The following CARMIL1 variants were observed in gnomAD, a reference collection of about 807,000 sequenced individuals.
The protein encoded by CARMIL1 is F-actin-uncapping protein LRRC16A.
A neutral mutation model predicts 177.1 loss-of-function variants in CARMIL1; 90 were observed. That is an observed-to-expected ratio of 0.51 (90% confidence interval 0.43 to 0.61). The LOEUF (loss-of-function observed/expected upper bound fraction) is 0.61. CARMIL1 is among the 20% of genes least tolerant of loss of function. CARMIL1 has a pLI of 0.00. For synonymous variants in CARMIL1, 577 were observed against 606.2 expected, an observed-to-expected ratio of 0.95 and a Z score of 0.71; for missense variants, 1,380 against 1,667.0, an observed-to-expected ratio of 0.83 and a Z score of 3.00.
chr6:25,429,795 T>G (rs1217537283), intron 4 of CARMIL1, among the ~76,000 whole-genome samples: 1 of 145,382 alleles, frequency 6.9e-6, no homozygotes, highest in Non-Finnish European at 1.5e-5. Context: ...TTTTTGAATA[T>G]CAAATATTTG....
chr6:25,308,931 T>C (rs529683701), intron 2 of CARMIL1, among the ~76,000 whole-genome samples: 37 of 152,350 alleles, frequency 2.4e-4, no homozygotes, highest in Non-Finnish European at 3.8e-4. Context: ...CAAATACTTA[T>C]GGAGCCTTTG....
chr6:25,369,336 G>A (rs1030664912), intron 2 of CARMIL1, among the ~76,000 whole-genome samples: 1 of 150,258 alleles, frequency 6.7e-6, no homozygotes, highest in African/African-American at 2.5e-5. Context: ...CCCATTGATC[G>A]CTCTTGCAGT....
chr6:25,464,739 T>TA (rs1800442168), intron 8 of CARMIL1, among the ~76,000 whole-genome samples: 2 of 152,088 alleles, frequency 1.3e-5, no homozygotes, highest in African/African-American at 4.8e-5. Flanking sequence ...AAATAAATGC[T>TA]AAAAAGGGAG....
At chr6:25,300,670 G>A (rs950008070) in intron 2 of CARMIL1, among the ~76,000 whole-genome samples, 6 of 152,164 alleles carry the variant, frequency 3.9e-5, no homozygotes, top group African/African-American at 1.4e-4. Flanking sequence ...AAACAAAAAA[G>A]CAAAATCAAA....
At chr6:25,613,686 T>C (rs1469063768) in intron 36 of CARMIL1, among the ~76,000 whole-genome samples, 2 of 152,242 alleles carry the variant, frequency 1.3e-5, no homozygotes, top group Non-Finnish European at 2.9e-5. Flanking sequence ...TATTAACTTC[T>C]TATAAACATG....
At chr6:25,510,986 C>A (rs991062225) in intron 20 of CARMIL1, among the ~76,000 whole-genome samples, 1 of 152,026 alleles carries the variant, frequency 6.6e-6, no homozygotes, top group Admixed American at 6.6e-5. Context: ...GGAAGATTGT[C>A]ACTAATAGAT....
Position 25,600,535 on chromosome 6 carries a change from C to A in CARMIL1, c.3341C>A (p.Ala1114Asp). The A allele has an allele frequency of 3.7e-6, 6 of 1,614,012 alleles. No individual in the cohort carries two copies. The highest frequency in any genetic ancestry group is 5.1e-6 in the Non-Finnish European group (6 of 1,179,902). The change falls in exon 33 of 37, where the codon GCC (alanine) becomes GAC (aspartate). Residue 1114 changes from alanine to aspartate, a missense_variant. Coordinates refer to ENST00000329474, the MANE Select transcript of CARMIL1 (RefSeq NM_017640.6). ...TGTCCCAGGAAGGACACAAAGGCCG[C>A]CGAGCACAATGGCAATTCTGAACGG... ...VDCPRKDTKA[A>D]EHNGNSERIE...
chr6:25,389,850 A>C (rs978781406), intron 2 of CARMIL1, among the ~76,000 whole-genome samples: 19 of 152,186 alleles, frequency 1.2e-4, no homozygotes, highest in African/African-American at 4.6e-4. Flanking sequence ...GGAGACACTG[A>C]GTTTCCTGCC....
Position 25,366,939 on chromosome 6 carries a change from TTG to T in CARMIL1, c.139-53171_139-53170del, listed in dbSNP as rs556183965. Reference sequence around the variant, plus strand: ...ACTAGCAGATCTAGGTAACTGAACCTTGTGTACTATTCTAGAAATGTTTATAC... The same window carrying T: ...ACTAGCAGATCTAGGTAACTGAACCTTGTACTATTCTAGAAATGTTTATAC... On this transcript the variant is annotated intron_variant, in intron 2 of 36. Transcript: ENST00000329474. 1.6e-3 allele frequency among the ~76,000 whole-genome samples: 242 copies of T among 152,340 alleles called. 1 individual carries two copies. The highest frequency in any genetic ancestry group is 5.5e-3 in the African/African-American group (229 of 41,570).
chr6:25,378,115 T>C (rs940258209), intron 2 of CARMIL1, among the ~76,000 whole-genome samples: 3 of 152,070 alleles, frequency 2.0e-5, no homozygotes, highest in African/African-American at 4.8e-5. Context: ...CTGGGGTATA[T>C]TGAAGGAAAA....
chr6:25,544,793 G>T (rs1463809465), intron 26 of CARMIL1, among the ~76,000 whole-genome samples: 1 of 152,102 alleles, frequency 6.6e-6, no homozygotes, highest in African/African-American at 2.4e-5. Flanking sequence ...TGTCTAACAC[G>T]CTATAAAATT....
chr6:25,518,011 G>C (rs1562241208), intron 22 of CARMIL1, among the ~76,000 whole-genome samples: 1 of 152,088 alleles, frequency 6.6e-6, no homozygotes, highest in Non-Finnish European at 1.5e-5. Flanking sequence ...GGTTCTTTCT[G>C]GGCTTTTCGA....
chr6:25,544,311 CGTT>C (rs1809211409), intron 26 of CARMIL1, among the ~76,000 whole-genome samples: 1 of 151,708 alleles, frequency 6.6e-6, no homozygotes, highest in Non-Finnish European at 1.5e-5. Flanking sequence ...CATCTAGAAT[CGTT>C]GTAATAAAAA....
intron 5 of CARMIL1, among the ~76,000 whole-genome samples, chr6:25,443,429 A>G (rs753985082): frequency 2.6e-5 from 4 of 152,218 alleles, no homozygotes; most frequent in Non-Finnish European, 4.4e-5. Context: ...AATAGACAAA[A>G]ATCATGCTGC....
intron 2 of CARMIL1, among the ~76,000 whole-genome samples, chr6:25,293,100 C>CT (rs200809173): frequency 0.073 from 10,542 of 143,780 alleles, 893 homozygotes; most frequent in African/African-American, 0.21. Flanking sequence ...TTCTAAAATG[C>CT]TTTTTTTTTT....
intron 2 of CARMIL1, among the ~76,000 whole-genome samples, chr6:25,345,167 C>T (rs1479403288): frequency 6.6e-6 from 1 of 152,176 alleles, no homozygotes; most frequent in Non-Finnish European, 1.5e-5. Flanking sequence ...TCAGGACCCA[C>T]TCCCTTCTTA....
At chr6:25,391,030 T>C (rs1356286663) in intron 2 of CARMIL1, among the ~76,000 whole-genome samples, 2 of 152,232 alleles carry the variant, frequency 1.3e-5, no homozygotes, top group Non-Finnish European at 2.9e-5. Flanking sequence ...TTTGTGTGTT[T>C]TCAAGCTTGT....
At chr6:25,544,634 C>T (rs1562270737) in intron 26 of CARMIL1, among the ~76,000 whole-genome samples, 2 of 151,046 alleles carry the variant, frequency 1.3e-5, no homozygotes, top group East Asian at 1.9e-4. Flanking sequence ...CACACACACA[C>T]ACACACACAC....
chr6:25,398,605 C>CT (rs1434376470), intron 2 of CARMIL1, among the ~76,000 whole-genome samples: 1 of 152,188 alleles, frequency 6.6e-6, no homozygotes, highest in Non-Finnish European at 1.5e-5. Context: ...CACAGGCTAG[C>CT]TATGTGCTGG....
Sources: allele counts gnomAD v4.1 joint callset (sites outside exome capture counted in the v4.1 genomes callset), GRCh38; gene constraint gnomAD v4.1.1; transcripts MANE v1.5; gene names NCBI Gene and HGNC (gene_info 2026-07-23, HGNC 2026-07-21).